Variants in CAMTA1 observed in about 807,000 individuals in gnomAD.
The protein encoded by CAMTA1 is calmodulin binding transcription activator 1.
CAMTA1 carries 27 observed loss-of-function variants against 170.9 expected under a neutral mutation model. That is an observed-to-expected ratio of 0.16 (90% CI 0.12 to 0.22). The LOEUF is 0.22. CAMTA1 is among the 10% of genes least tolerant of loss of function. The probability of loss-of-function intolerance (pLI) is 1.00; values close to 1 mark genes in which losing one functional copy is unlikely to be tolerated. For synonymous variants in CAMTA1, 833 were observed against 891.5 expected (o/e 0.93, Z 1.17); for missense variants, 1,619 against 2,217.2 (o/e 0.73, Z 5.42).
chr1:7,547,441 A>G lies in CAMTA1; in HGVS notation c.510+79540A>G, dbSNP rs2094712004. Among the ~76,000 whole-genome samples, 1 of 152,152 alleles carries G rather than the reference A, an allele frequency of 6.6e-6. No homozygotes were observed. The stretch of plus-strand genomic sequence containing the variant: ...TTCGCATCCGTGGATTCAACCAACA[A>G]CGGGCCAAAAATATCCAGGAAAAAA... On this transcript the variant is annotated intron_variant, in intron 6 of 22. Transcript: ENST00000303635. The surrounding 1 kb of genome is among the most constrained non-coding windows in gnomAD (Gnocchi z 5.7).
chr1:7,095,026 G>A (rs1212259591), intron 4 of CAMTA1, among the ~76,000 whole-genome samples: 1 of 151,926 alleles, frequency 6.6e-6, no homozygotes, highest in Non-Finnish European at 1.5e-5. Flanking sequence ...GGTGTCCCTG[G>A]CCATGCAGTT....
chr1:6,994,359 CTG>C (rs1696862338), intron 3 of CAMTA1, among the ~76,000 whole-genome samples: 1 of 152,088 alleles, frequency 6.6e-6, no homozygotes, highest in African/African-American at 2.4e-5. Flanking sequence ...GGAAGATTTG[CTG>C]GTGGTGAATT....
rs1201174707 is a variant in CAMTA1 at position 7,224,786 on chromosome 1, C to T, written c.303-24705C>T. On this transcript the variant is annotated intron_variant, in intron 4 of 22. Coordinates refer to ENST00000303635, the MANE Select transcript of CAMTA1 (RefSeq NM_015215.4). This position sits in a 1 kb window ranked among gnomAD's most constrained non-coding sequence, Gnocchi z 5.2. ...TGCCTCCCTGCCCCGCTCCCCAGGG[C>T]CCTGCTCCGTAGCTGCTCCATGTCG... Among the ~76,000 whole-genome samples the T allele has an allele frequency of 6.6e-6, 1 of 151,836 alleles. No individual in the cohort carries two copies. Among genetic ancestry groups the T allele is most frequent in the African/African-American group, 2.4e-5 (1 of 41,100 alleles).
chr1:6,887,643 A>G lies in CAMTA1; in HGVS notation c.234+62433A>G, dbSNP rs776660122. On this transcript the variant is annotated intron_variant, in intron 3 of 22. Transcript: ENST00000303635. The surrounding 1 kb of genome is among the most constrained non-coding windows in gnomAD (Gnocchi z 4.1). ...GACGGTTTTGACCCATTTTACACCT[A>G]TTTATTTCAGGCTCTCACCACACAC... is the stretch of plus-strand genomic sequence containing the variant. The G allele has an allele frequency of 6.9e-5, 106 of 1,534,844 alleles. No homozygotes were observed. Among genetic ancestry groups the G allele is most frequent in the Non-Finnish European group, 8.8e-5 (101 of 1,146,470 alleles).
chr1:7,326,997 T>C (rs974983978), intron 5 of CAMTA1, among the ~76,000 whole-genome samples: 4 of 152,144 alleles, frequency 2.6e-5, no homozygotes, highest in Non-Finnish European at 4.4e-5. Context: ...GGAGGTGATA[T>C]GCTGTCTTCA....
At position 7,333,970 on chromosome 1, in the gene CAMTA1, C is replaced by G. The variant is rs1267605957; in HGVS notation, c.438+84344C>G. On this transcript the variant is annotated intron_variant, in intron 5 of 22. Coordinates refer to ENST00000303635, the MANE Select transcript of CAMTA1 (RefSeq NM_015215.4). The surrounding 1 kb of genome is among the most constrained non-coding windows in gnomAD (Gnocchi z 4.4). ...CCTCTCTTTAGACTCCTGGGGCTCT[C>G]TGCTCTCCAGCCTGATGTGGGCAAA... 1.3e-5 allele frequency among the ~76,000 whole-genome samples: 2 copies of G among 152,254 alleles called. No individual in the cohort carries two copies. Among genetic ancestry groups the G allele is most frequent in the East Asian group, 3.9e-4 (2 of 5,184 alleles).
rs185818779 is a variant in CAMTA1 at position 6,867,546 on chromosome 1, C to T, written c.234+42336C>T. On this transcript the variant is annotated intron_variant, in intron 3 of 22. Coordinates refer to ENST00000303635, the MANE Select transcript of CAMTA1 (RefSeq NM_015215.4). ...GAGGACAGCACCTGCCGGCCACTTG[C>T]GGGTGAGCTACAGACATGAAAGCCA... 7.6e-4 allele frequency among the ~76,000 whole-genome samples: 116 copies of T among 152,204 alleles called. 1 individual carries two copies. The highest frequency in any genetic ancestry group is 1.4e-3 in the Non-Finnish European group (96 of 68,018).
chr1:7,169,029 T>G (rs1649077206), intron 4 of CAMTA1, among the ~76,000 whole-genome samples: 1 of 152,234 alleles, frequency 6.6e-6, no homozygotes, highest in Non-Finnish European at 1.5e-5. Flanking sequence ...TTGAATGCTT[T>G]TAATGTCACT....
chr1:7,227,785 C>T (rs1325529161), intron 4 of CAMTA1, among the ~76,000 whole-genome samples: 1 of 152,228 alleles, frequency 6.6e-6, no homozygotes, highest in Non-Finnish European at 1.5e-5. Flanking sequence ...TCTCTTGCTG[C>T]AACAGGATTG....
chr1:7,527,447 C>T (rs1557866852), intron 6 of CAMTA1, among the ~76,000 whole-genome samples: 1 of 152,240 alleles, frequency 6.6e-6, no homozygotes, highest in Non-Finnish European at 1.5e-5. Flanking sequence ...AGAGCAGCTT[C>T]TCCAGGCAGC....
intron 4 of CAMTA1, among the ~76,000 whole-genome samples, chr1:7,159,913 G>A (rs898470989): frequency 2.0e-5 from 3 of 152,146 alleles, no homozygotes; most frequent in African/African-American, 7.2e-5. Flanking sequence ...GTTCCATAAA[G>A]ATTAGAATGG....
At chr1:7,558,122 C>T (rs1470424661) in intron 6 of CAMTA1, among the ~76,000 whole-genome samples, 1 of 152,234 alleles carries the variant, frequency 6.6e-6, no homozygotes, top group African/African-American at 2.4e-5. Context: ...AAATCCCCTC[C>T]AGGCCCCTCG....
At chr1:6,980,938 G>A (rs1370313272) in intron 3 of CAMTA1, among the ~76,000 whole-genome samples, 1 of 152,110 alleles carries the variant, frequency 6.6e-6, no homozygotes, top group African/African-American at 2.4e-5. Context: ...AGAGCCTTGG[G>A]CTTCCTTTGC....
At chr1:7,339,535 C>G (rs1172343934) in intron 5 of CAMTA1, among the ~76,000 whole-genome samples, 1 of 152,116 alleles carries the variant, frequency 6.6e-6, no homozygotes, top group African/African-American at 2.4e-5. Context: ...TTTTTTTCCT[C>G]TCTTCTCAAA....
chr1:7,107,734 C>T (rs922494284), intron 4 of CAMTA1, among the ~76,000 whole-genome samples: 2 of 152,200 alleles, frequency 1.3e-5, no homozygotes, highest in African/African-American at 4.8e-5. Context: ...GGGCTGTCCT[C>T]CAGGGCACAG....
intron 6 of CAMTA1, among the ~76,000 whole-genome samples, chr1:7,560,043 T>G (rs748322557): frequency 1.3e-5 from 2 of 152,234 alleles, no homozygotes; most frequent in African/African-American, 2.4e-5. Context: ...CATGTGACTC[T>G]GGGACCCCAA....
chr1:7,206,680 T>G (rs1205970130), intron 4 of CAMTA1, among the ~76,000 whole-genome samples: 1 of 152,242 alleles, frequency 6.6e-6, no homozygotes, highest in Non-Finnish European at 1.5e-5. Flanking sequence ...TCCCATTTGT[T>G]GAAGTTGTCA....
rs377707852 is a variant in CAMTA1 at position 7,433,899 on chromosome 1, C to T, written c.439-33931C>T. ...GCCAGGACAGCAGTAGCCCCAGCCTCAGCCCCACAAGCCAGCAGCACAGGA... is the reference window on the plus strand; with the variant it reads ...GCCAGGACAGCAGTAGCCCCAGCCTTAGCCCCACAAGCCAGCAGCACAGGA... On this transcript the variant is annotated intron_variant, in intron 5 of 22. Coordinates refer to ENST00000303635, the MANE Select transcript of CAMTA1 (RefSeq NM_015215.4). 1.9e-4 allele frequency among the ~76,000 whole-genome samples: 29 copies of T among 152,266 alleles called. No homozygotes were observed. In the East Asian group the frequency reaches 4.8e-3, roughly 25 times the overall value.
At chr1:7,742,293 C>T (rs1014687711) in intron 16 of CAMTA1, among the ~76,000 whole-genome samples, 1 of 151,888 alleles carries the variant, frequency 6.6e-6, no homozygotes, top group African/African-American at 2.4e-5. Context: ...CAGAATTTTT[C>T]AGATCAAGTA....
Sources: gnomAD v4.1 joint callset for allele counts (sites outside exome capture counted in the v4.1 genomes callset) on GRCh38, gnomAD v4.1.1 for gene constraint, Gnocchi (gnomAD v3.1) non-coding constraint, MANE v1.5 for transcripts, NCBI Gene and HGNC (gene_info 2026-07-23, HGNC 2026-07-21) for gene names.